The following SGCD variants were observed in gnomAD, a reference collection of about 807,000 sequenced individuals.
SGCD encodes the protein sarcoglycan delta.
In SGCD, 18 loss-of-function variants were observed where a neutral mutation model predicts 36.6. The observed-to-expected ratio is 0.49, with a 90% confidence interval of 0.34 to 0.73. The LOEUF is 0.73. Ranked by LOEUF, SGCD falls within the 30% of genes least tolerant of loss-of-function variation. The probability of loss-of-function intolerance (pLI) is 0.01; values close to 1 mark genes in which losing one functional copy is unlikely to be tolerated. For synonymous variants in SGCD, 133 were observed against 130.6 expected (o/e 1.02, Z -0.12); for missense variants, 387 against 346.7 (o/e 1.12, Z -0.92).
At chr5:156,463,242 C>T (rs1371247237) in intron 3 of SGCD, among the ~76,000 whole-genome samples, 14 of 152,078 alleles carry the variant, frequency 9.2e-5, no homozygotes, top group Admixed American at 9.2e-4. Flanking sequence ...TGGGGTTTCA[C>T]TGTGTTAGCC....
At chr5:155,731,514 T>G in the SGCD span, among the ~76,000 whole-genome samples, 1 of 151,952 alleles carries the variant, frequency 6.6e-6, no homozygotes, top group Non-Finnish European at 1.5e-5. Context: ...CTCTGGGGAG[T>G]CATGAATTAT....
chr5:156,552,316 GT>G (rs768986777), intron 4 of SGCD, among the ~76,000 whole-genome samples: 2 of 152,182 alleles, frequency 1.3e-5, no homozygotes, highest in Non-Finnish European at 2.9e-5. Flanking sequence ...GTAGTGCTGT[GT>G]TGAGAAGATG....
intron 1 of SGCD, among the ~76,000 whole-genome samples, chr5:155,878,525 C>T (rs147063339): frequency 2.2e-4 from 33 of 152,004 alleles, no homozygotes; most frequent in African/African-American, 6.0e-4. Context: ...AATTGGGTCA[C>T]GAGTCTAAGC....
At chr5:156,549,332 G>A (rs1035594825) in intron 4 of SGCD, among the ~76,000 whole-genome samples, 3 of 152,134 alleles carry the variant, frequency 2.0e-5, no homozygotes, top group African/African-American at 7.2e-5. Flanking sequence ...TGTGAACATG[G>A]TGGTGTTTTA....
intron 1 of SGCD, among the ~76,000 whole-genome samples, chr5:155,985,382 C>T (rs1454111346): frequency 6.6e-6 from 1 of 152,136 alleles, no homozygotes; most frequent in African/African-American, 2.4e-5. Flanking sequence ...GCTGTGGCCT[C>T]GAATTCTTCT....
chr5:156,617,768 A>G (rs1762073784), intron 6 of SGCD, among the ~76,000 whole-genome samples: 1 of 152,168 alleles, frequency 6.6e-6, no homozygotes, highest in Non-Finnish European at 1.5e-5. Flanking sequence ...TTATCTGAAG[A>G]AGGCTCCAGG....
intron 3 of SGCD, among the ~76,000 whole-genome samples, chr5:156,464,216 ATTTTTTT>A (rs773294916): frequency 1.3e-4 from 15 of 116,294 alleles, no homozygotes; most frequent in East Asian, 2.5e-4. Flanking sequence ...GAATCTACAT[ATTTTTTT>A]TTTTTTTTTT....
intron 6 of SGCD, among the ~76,000 whole-genome samples, chr5:156,609,248 A>G (rs949562442): frequency 6.6e-6 from 1 of 152,134 alleles, no homozygotes; most frequent in Non-Finnish European, 1.5e-5. Context: ...TGGTGGTGAC[A>G]AAATCTCTCA....
chr5:156,147,343 G>T (rs1346532547), intron 3 of SGCD, among the ~76,000 whole-genome samples: 2 of 152,100 alleles, frequency 1.3e-5, no homozygotes, highest in African/African-American at 4.8e-5. Flanking sequence ...ACATGGAAAG[G>T]TTACATTTTA....
At chr5:156,274,947 G>T (rs1206569235) in intron 3 of SGCD, among the ~76,000 whole-genome samples, 1 of 152,196 alleles carries the variant, frequency 6.6e-6, no homozygotes, top group Non-Finnish European at 1.5e-5. Flanking sequence ...TGTATTGAAG[G>T]ATAGCCTGAG....
chr5:156,320,906 A>G (rs10058656), intron 3 of SGCD, among the ~76,000 whole-genome samples: 99 of 152,312 alleles, frequency 6.5e-4, no homozygotes, highest in African/African-American at 2.2e-3. Context: ...CTCTGTTTTG[A>G]AGAGCCAGAG....
At chr5:156,083,463 T>A (rs1761013732) in intron 1 of SGCD, among the ~76,000 whole-genome samples, 1 of 151,948 alleles carries the variant, frequency 6.6e-6, no homozygotes, top group African/African-American at 2.4e-5. Flanking sequence ...CCTGGCTAAT[T>A]CTTGTATTTT....
chr5:156,219,433 G>A (rs976302315), intron 3 of SGCD, among the ~76,000 whole-genome samples: 4 of 152,034 alleles, frequency 2.6e-5, no homozygotes, highest in African/African-American at 4.8e-5. Context: ...CATTCTTGTC[G>A]GACATAGTAG....
chr5:155,883,811 AAAAG>A (rs1755942213), intron 1 of SGCD, among the ~76,000 whole-genome samples: 1 of 151,738 alleles, frequency 6.6e-6, no homozygotes, highest in African/African-American at 2.4e-5. Context: ...AAAAAAAAAA[AAAAG>A]AAAAGCACTA....
rs149269028 is a variant in SGCD, at chr5:155,924,824, A to G, written c.-282+54400A>G. Among the ~76,000 whole-genome samples, 9 of 152,314 alleles carry G rather than the reference A, an allele frequency of 5.9e-5. No individual in the cohort carries two copies. In the East Asian group the frequency reaches 1.7e-3, roughly 29 times the overall value. ...AGGTGAAAATATTAAGGAAATGCAA[A>G]TAAGAGAATGTTTTATTTCTGGGAG... On this transcript the variant is annotated intron_variant, in intron 1 of 9. Coordinates refer to the SGCD transcript ENST00000517913.
intron 3 of SGCD, among the ~76,000 whole-genome samples, chr5:156,383,642 TA>T (rs1477259188): frequency 1.3e-5 from 2 of 152,174 alleles, no homozygotes; most frequent in African/African-American, 4.8e-5. Context: ...TTCTTGCTTA[TA>T]AAAGGGAATT....
chr5:156,128,234 CACCAAAAGTTAAAAGGATGTGAAGTA>C (rs1475582043), intron 3 of SGCD, among the ~76,000 whole-genome samples: 1 of 151,944 alleles, frequency 6.6e-6, no homozygotes, highest in Non-Finnish European at 1.5e-5. Flanking sequence ...CGAATGAGAG[CACCAAAAGTTAAAAGGATGTGAAGTA>C]ACCACAGTTC....
intron 1 of SGCD, among the ~76,000 whole-genome samples, chr5:156,101,870 G>A (rs146612380): frequency 3.4e-5 from 5 of 148,104 alleles, no homozygotes; most frequent in South Asian, 2.2e-4. Flanking sequence ...AACTATAAAC[G>A]TATAGGAGAA....
At chr5:156,491,218 C>T (rs1755922701) in intron 3 of SGCD, among the ~76,000 whole-genome samples, 2 of 151,948 alleles carry the variant, frequency 1.3e-5, no homozygotes, top group Admixed American at 6.6e-5. Flanking sequence ...GGAAAAACAT[C>T]CCCTGATCAT....
Sources: allele counts gnomAD v4.1 joint callset (sites outside exome capture counted in the v4.1 genomes callset), GRCh38; gene constraint gnomAD v4.1.1; transcripts MANE v1.5; gene names NCBI Gene and HGNC (gene_info 2026-07-23, HGNC 2026-07-21).